The following PTPN13 variants were observed in gnomAD, a reference collection of about 807,000 sequenced individuals.
PTPN13 encodes the protein tyrosine-protein phosphatase non-receptor type 13.
PTPN13 carries 191 observed loss-of-function variants against 284.0 expected under a neutral mutation model. The ratio of observed to expected loss-of-function variants is 0.67; its 90% CI spans 0.60 to 0.76. PTPN13 has a LOEUF of 0.76. Among genes scored for constraint, PTPN13 ranks in the 30% least tolerant of loss-of-function variants. The probability of loss-of-function intolerance (pLI) is 0.00; values close to 1 mark genes in which losing one functional copy is unlikely to be tolerated. For missense variants in PTPN13, 2,797 were observed against 2,939.9 expected, an observed-to-expected ratio of 0.95 and a Z score of 1.12; for synonymous variants, 986 against 1,022.3, an observed-to-expected ratio of 0.96 and a Z score of 0.68.
chr4:86,719,733 A>G (rs1733435160), intron 9 of PTPN13, among the ~76,000 whole-genome samples: 1 of 152,106 alleles, frequency 6.6e-6, no homozygotes, highest in African/African-American at 2.4e-5. Context: ...CAGTGATATG[A>G]AGCTTTTTTC....
rs556308950 is a variant in PTPN13 at position 86,701,763 on chromosome 4, A to G, written c.1157A>G (p.Lys386Arg). 6.2e-7 allele frequency: 1 copy of G among 1,613,458 alleles called. No individual in the cohort carries two copies. Among genetic ancestry groups the G allele is most frequent in the East Asian group, 2.2e-5 (1 of 44,892 alleles). The change falls in exon 7 of 48, where the codon AAG becomes AGG. Residue 386 changes from lysine (K) to arginine (R), a missense_variant. By Grantham distance (26) the Lys-to-Arg change is conservative. Coordinates refer to ENST00000411767, the MANE Select transcript of PTPN13 (RefSeq NM_080683.3). The part of the protein sequence containing the change: ...SALDRIRERQ[K>R]KLQVLREAMN... ...TTGGACCGAATCCGAGAGAGACAAA[A>G]GAAACTTCAGGTTCTGAGGGAAGCC...
At chr4:86,776,596 TA>T (rs1209809565) in intron 35 of PTPN13, among the ~76,000 whole-genome samples, 1 of 152,184 alleles carries the variant, frequency 6.6e-6, no homozygotes. Context: ...AAACCCATGG[TA>T]AATTGAAAAT....
At chr4:86,744,044 G>A (rs1199633657) in intron 16 of PTPN13, among the ~76,000 whole-genome samples, 1 of 152,130 alleles carries the variant, frequency 6.6e-6, no homozygotes, top group South Asian at 2.1e-4. Context: ...TTCCACAAAA[G>A]ACATTCAGTT....
At chr4:86,695,921 A>T (rs547066079) in intron 6 of PTPN13, among the ~76,000 whole-genome samples, 3 of 152,022 alleles carry the variant, frequency 2.0e-5, no homozygotes, top group Non-Finnish European at 4.4e-5. Flanking sequence ...TGTATATATG[A>T]CTTCCATCCT....
At position 86,598,595 on chromosome 4, in the gene PTPN13, G is replaced by A. The variant is rs540054478; in HGVS notation, c.-6+3806G>A. 2.7e-3 allele frequency among the ~76,000 whole-genome samples: 404 copies of A among 152,298 alleles called. 2 individuals are homozygous for A. The highest frequency in any genetic ancestry group is 9.4e-3 in the African/African-American group (390 of 41,568). On this transcript the variant is annotated intron_variant, in intron 1 of 47. Coordinates refer to ENST00000411767, the MANE Select transcript of PTPN13 (RefSeq NM_080683.3). ...ATAACTACTCAAATCATTCTTGAAT[G>A]TGTAACTTGAATCTGGCTGGTGAAA...
rs76418029 is a variant in PTPN13, at chr4:86,752,237, T to G, written c.3167-772T>G. On this transcript the variant is annotated intron_variant, in intron 19 of 47. Coordinates refer to ENST00000411767, the MANE Select transcript of PTPN13 (RefSeq NM_080683.3). The stretch of plus-strand genomic sequence containing the variant: ...TTCTTAGGCTCAAGGTTTGTTAATT[T>G]ATCTCTAATTACCCAAAGTTTAAAA... 1.6e-4 allele frequency among the ~76,000 whole-genome samples: 25 copies of G among 152,326 alleles called. No homozygotes were observed. The East Asian group carries it at 4.8e-3, about 29-fold the overall frequency.
intron 1 of PTPN13, among the ~76,000 whole-genome samples, chr4:86,626,866 A>G (rs1026599599): frequency 1.3e-5 from 2 of 152,260 alleles, no homozygotes; most frequent in Middle Eastern, 3.4e-3. Context: ...TGTATATCCA[A>G]AATAATTCAA....
chr4:86,766,074 C>G (rs1022982229), intron 26 of PTPN13, among the ~76,000 whole-genome samples: 3 of 152,302 alleles, frequency 2.0e-5, no homozygotes, highest in African/African-American at 4.8e-5. Flanking sequence ...GTGATCCCCC[C>G]ACTTTGGCCT....
chr4:86,807,949 C>G, intron 45 of PTPN13, 52 bp downstream of exon 45: 1 of 1,475,924 alleles, frequency 6.8e-7, no homozygotes, highest in Non-Finnish European at 9.2e-7. Flanking sequence ...TAGTTGTAAT[C>G]CAAGCCTGGA....
chr4:86,624,817 C>T (rs976121214), intron 1 of PTPN13, among the ~76,000 whole-genome samples: 1 of 152,106 alleles, frequency 6.6e-6, no homozygotes, highest in Non-Finnish European at 1.5e-5. Flanking sequence ...TAGTCAGAAC[C>T]TGACTCTAAA....
chr4:86,811,662 T>G (rs1318079288), intron 47 of PTPN13, among the ~76,000 whole-genome samples: 1 of 152,188 alleles, frequency 6.6e-6, no homozygotes, highest in African/African-American at 2.4e-5. Context: ...ATGGCGTCCT[T>G]CACAGGGAGT....
intron 15 of PTPN13, among the ~76,000 whole-genome samples, chr4:86,739,155 G>A (rs903965129): frequency 2.0e-5 from 3 of 152,062 alleles, no homozygotes; most frequent in Admixed American, 2.0e-4. Context: ...TCCATTTTTG[G>A]TTAAATTTCA....
At chr4:86,785,395 T>C (rs747960193) in intron 39 of PTPN13, 27 bp downstream of exon 39, 1 of 1,593,144 alleles carries the variant, frequency 6.3e-7, no homozygotes, top group Non-Finnish European at 8.5e-7. Context: ...AATAAATTGG[T>C]ATACTATGGA....
chr4:86,741,575 A>C, intron 15 of PTPN13, 59 bp from the exon 16 acceptor site: 1 of 1,460,924 alleles, frequency 6.8e-7, no homozygotes. Context: ...TACAGCTTCA[A>C]TATCTTTATG....
chr4:86,684,854 CTG>C (rs1202322208), intron 3 of PTPN13, among the ~76,000 whole-genome samples: 1 of 152,174 alleles, frequency 6.6e-6, no homozygotes, highest in Non-Finnish European at 1.5e-5. Context: ...AAGATGAGCT[CTG>C]AATCTCGACA....
chr4:86,655,455 T>A (rs547230777), intron 2 of PTPN13, among the ~76,000 whole-genome samples: 36 of 152,258 alleles, frequency 2.4e-4, no homozygotes, highest in African/African-American at 6.7e-4. Flanking sequence ...AAAATCTCTC[T>A]GCATTTGCTT....
At chr4:86,796,832 G>T in intron 40 of PTPN13, 42 bp from the exon 41 acceptor site, 1 of 1,286,700 alleles carries the variant, frequency 7.8e-7, no homozygotes, top group Non-Finnish European at 1.1e-6. Flanking sequence ...GATTTTTTTT[G>T]TTACAATGGG....
chr4:86,758,455 G>C, intron 21 of PTPN13, 106 bp downstream of exon 21: 1 of 1,034,270 alleles, frequency 9.7e-7, no homozygotes, highest in East Asian at 2.6e-5. Flanking sequence ...CTGGTCTCAA[G>C]ATACTGACTG....
At chr4:86,644,786 G>A (rs181587116) in intron 2 of PTPN13, among the ~76,000 whole-genome samples, 1 of 152,134 alleles carries the variant, frequency 6.6e-6, no homozygotes, top group African/African-American at 2.4e-5. Flanking sequence ...TGCAAGATTA[G>A]TTGAACTTTC....
Sources: allele counts gnomAD v4.1 joint callset (sites outside exome capture counted in the v4.1 genomes callset), GRCh38; gene constraint gnomAD v4.1.1; transcripts MANE v1.5; gene names NCBI Gene and HGNC (gene_info 2026-07-23, HGNC 2026-07-21).